HDAC1: variants seen among roughly 807,000 people sequenced by gnomAD.
HDAC1 encodes the protein protein deacetylase HDAC1.
In HDAC1, 18 loss-of-function variants were observed where a neutral mutation model predicts 65.5. That is an observed-to-expected ratio of 0.27 (90% CI 0.19 to 0.41). The LOEUF (loss-of-function observed/expected upper bound fraction) is 0.41. Among genes scored for constraint, HDAC1 ranks in the 10% least tolerant of loss-of-function variants. The pLI is 1.00. For missense variants in HDAC1, 373 were observed against 625.2 expected, an observed-to-expected ratio of 0.60 and a Z score of 4.30; for synonymous variants, 211 against 227.9, an observed-to-expected ratio of 0.93 and a Z score of 0.67.
intron 2 of HDAC1, among the ~76,000 whole-genome samples, chr1:32,304,677 C>T (rs1368858359): frequency 2.6e-5 from 4 of 152,088 alleles, no homozygotes; most frequent in African/African-American, 9.7e-5. Flanking sequence ...TCAAGTGATT[C>T]TCCAGCCTCA....
intron 3 of HDAC1, among the ~76,000 whole-genome samples, chr1:32,316,984 T>C (rs781690133): frequency 3.9e-5 from 6 of 152,216 alleles, no homozygotes; most frequent in Admixed American, 6.5e-5. Flanking sequence ...GTAGTACTTT[T>C]TCTGGTTATG....
chr1:32,321,239 A>AT (rs1302477296), intron 3 of HDAC1, among the ~76,000 whole-genome samples: 4 of 151,648 alleles, frequency 2.6e-5, no homozygotes, highest in African/African-American at 9.7e-5. Context: ...TCAAAAAAAA[A>AT]AAAATAATAA....
intron 1 of HDAC1, among the ~76,000 whole-genome samples, chr1:32,301,354 G>T (rs1272833621): frequency 6.6e-6 from 1 of 152,196 alleles, no homozygotes; most frequent in Non-Finnish European, 1.5e-5. Flanking sequence ...GCTGAGGCAG[G>T]AGAATGGCGT....
At chr1:32,332,343 T>G in intron 12 of HDAC1, 101 bp downstream of exon 12, 5 of 1,114,452 alleles carry the variant, frequency 4.5e-6, no homozygotes, top group Non-Finnish European at 6.5e-6. Context: ...CCAGCTCCTG[T>G]GGGGCTCTTC....
rs182875482 is a variant in HDAC1 at position 32,293,798 on chromosome 1, A to C, written c.49+1580A>C. Among the ~76,000 whole-genome samples the C allele has an allele frequency of 2.8e-3, 419 of 151,668 alleles. 1 individual carries two copies. The highest frequency in any genetic ancestry group is 9.9e-3 in the African/African-American group (409 of 41,302). ...GCACCTGTAATCCCAGCTACTCAGG[A>C]GGCTGAGGCAGGAGAGTCGCTTGAA... On this transcript the variant is annotated intron_variant, in intron 1 of 13. Coordinates refer to ENST00000373548, the MANE Select transcript of HDAC1 (RefSeq NM_004964.3).
chr1:32,333,249 C>G lies in HDAC1; in HGVS notation c.*205C>G. On this transcript the variant is annotated 3_prime_UTR_variant, in exon 14 of 14. Transcript: ENST00000373548. ...GAGCCACCTTGCCACCCATTCTTCC[C>G]GTTCTTAACTTTGAACCATAAAGGG... 1 of 462,700 alleles carries G rather than the reference C, an allele frequency of 2.2e-6. No homozygotes were observed. Among genetic ancestry groups the G allele is most frequent in the African/African-American group, 2.0e-5 (1 of 50,082 alleles). 28.7% of individuals were successfully genotyped at this position (462,700 alleles called of 1,614,324 possible).
chr1:32,332,303 C>T, intron 12 of HDAC1, 61 bp downstream of exon 12: 1 of 1,497,388 alleles, frequency 6.7e-7, no homozygotes, highest in South Asian at 1.3e-5. Flanking sequence ...CTATGTAGGG[C>T]AGTGGGAGGA....
chr1:32,295,807 T>C (rs1640761010), intron 1 of HDAC1, among the ~76,000 whole-genome samples: 1 of 152,182 alleles, frequency 6.6e-6, no homozygotes, highest in South Asian at 2.1e-4. Flanking sequence ...GATGTTGTCT[T>C]GCCATGTTGT....
At position 32,328,116 on chromosome 1, in the gene HDAC1, A is replaced by G. The variant is rs149585018; in HGVS notation, c.636+439A>G. On this transcript the variant is annotated intron_variant, in intron 6 of 13. Transcript: ENST00000373548. ...ACATCTGATATAGAATAGTTAATAG[A>G]CAAGTCCCCTTACTGAAGCCCATCC... Among the ~76,000 whole-genome samples, 107 of 152,300 alleles carry G rather than the reference A, an allele frequency of 7.0e-4. 1 individual carries two copies. The East Asian group carries it at 0.015, about 21-fold the overall frequency.
In HDAC1 at chr1:32,330,312, G is replaced by C. The variant is rs1641274143; in HGVS notation, c.730-266G>C. ...TGGCACTAGAGCTTGGGCAACAGAAGAGACTTAGGGAGTTGAGAGGGAGGC... is the reference window on the plus strand; with the variant it reads ...TGGCACTAGAGCTTGGGCAACAGAACAGACTTAGGGAGTTGAGAGGGAGGC... On this transcript the variant is annotated intron_variant, in intron 7 of 13. Coordinates refer to ENST00000373548, the MANE Select transcript of HDAC1 (RefSeq NM_004964.3). This position sits in a 1 kb window ranked among gnomAD's most constrained non-coding sequence, Gnocchi z 4.2. 1 of 422,384 alleles carries C rather than the reference G, an allele frequency of 2.4e-6. No individual in the cohort carries two copies. The highest frequency in any genetic ancestry group is 2.0e-5 in the African/African-American group (1 of 49,990). The allele number at this position is 422,384 out of a possible 1,614,324, so 26.2% of individuals were successfully genotyped here.
intron 3 of HDAC1, among the ~76,000 whole-genome samples, chr1:32,318,555 C>CAA (rs56896109): frequency 0.011 from 1,503 of 135,532 alleles, 24 homozygotes; most frequent in African/African-American, 0.038. Context: ...AGAGCGAGAC[C>CAA]AAAAAAAAAA....
At chr1:32,321,456 G>T (rs1641146188) in intron 3 of HDAC1, among the ~76,000 whole-genome samples, 1 of 140,782 alleles carries the variant, frequency 7.1e-6, no homozygotes, top group South Asian at 2.2e-4. Flanking sequence ...TCTTTGCAAT[G>T]AGCATTTGAC....
chr1:32,305,687 T>G (rs1640901814), intron 2 of HDAC1, among the ~76,000 whole-genome samples: 1 of 150,728 alleles, frequency 6.6e-6, no homozygotes, highest in East Asian at 2.0e-4. Flanking sequence ...CTCGGCTCAC[T>G]GCAACCTCTG....
chr1:32,331,728 A>C lies in HDAC1; in HGVS notation c.1141A>C (p.Met381Leu), dbSNP rs1641294030. 2 of 1,614,094 alleles carry C rather than the reference A, an allele frequency of 1.2e-6. No homozygotes were observed. The highest frequency in any genetic ancestry group is 4.5e-5 in the East Asian group (2 of 44,886). The change falls in exon 11 of 14, where the codon ATG becomes CTG. Residue 381 changes from methionine (M) to leucine (L), a missense_variant. Physicochemically the swap from Met to Leu is conservative, Grantham distance 15. This residue lies in a region of HDAC1 where 105 missense variants were observed against 192.6 expected (regional missense o/e 0.55). Transcript: ENST00000373548. This position sits in a 1 kb window ranked among gnomAD's most constrained non-coding sequence, Gnocchi z 4.2. ...GCTGCCGCACGCACCTGGGGTCCAA[A>C]TGCAGGCGATTCCTGAGGACGCCAT... ...RMLPHAPGVQ[M>L]QAIPEDAIPE...
chr1:32,302,470 T>TTTG, intron 1 of HDAC1, 151 bp from the exon 2 acceptor site: 1 of 545,166 alleles, frequency 1.8e-6, no homozygotes, highest in Non-Finnish European at 3.3e-6. Flanking sequence ...TTTTTTCTTT[T>TTTG]GGAGTTACCC....
intron 3 of HDAC1, among the ~76,000 whole-genome samples, chr1:32,320,104 C>T (rs1397868899): frequency 5.3e-5 from 8 of 151,918 alleles, no homozygotes; most frequent in Non-Finnish European, 1.0e-4. Context: ...CTTGTGGTCC[C>T]AGCTACTCGG....
chr1:32,319,677 G>A (rs1275731961), intron 3 of HDAC1, among the ~76,000 whole-genome samples: 2 of 151,930 alleles, frequency 1.3e-5, no homozygotes, highest in Admixed American at 1.3e-4. Context: ...AGGAGGGATA[G>A]CTTGAGGCCA....
chr1:32,326,112 C>T (rs752475956), intron 4 of HDAC1, among the ~76,000 whole-genome samples: 55 of 152,084 alleles, frequency 3.6e-4, no homozygotes, highest in Non-Finnish European at 2.9e-4. Context: ...GGGACCTATT[C>T]GTGCTAGTGC....
intron 6 of HDAC1, among the ~76,000 whole-genome samples, 170 bp from the exon 7 acceptor site, chr1:32,328,898 A>G (rs1641254434): frequency 6.6e-6 from 1 of 152,120 alleles, no homozygotes; most frequent in Non-Finnish European, 1.5e-5. Flanking sequence ...GTGAAGCTAG[A>G]TTTGCCAGTG....
Sources: gnomAD v4.1 joint callset for allele counts (sites outside exome capture counted in the v4.1 genomes callset) on GRCh38, gnomAD v4.1.1 for gene constraint, gnomAD v4.1.1 regional missense constraint, Gnocchi (gnomAD v3.1) non-coding constraint, MANE v1.5 for transcripts, NCBI Gene and HGNC (gene_info 2026-07-23, HGNC 2026-07-21) for gene names.